Variants in LEPR observed in about 807,000 individuals in gnomAD.
LEPR encodes the protein leptin receptor.
LEPR carries 56 observed loss-of-function variants against 114.7 expected under a neutral mutation model. The ratio of observed to expected loss-of-function variants is 0.49; its 90% CI spans 0.39 to 0.61. The LOEUF is 0.61. LEPR is among the 20% of genes least tolerant of loss of function. The pLI is 0.00. For missense variants in LEPR, 1,202 were observed against 1,352.9 expected, an observed-to-expected ratio of 0.89 and a Z score of 1.75; for synonymous variants, 443 against 461.4, an observed-to-expected ratio of 0.96 and a Z score of 0.51.
intron 19 of LEPR, among the ~76,000 whole-genome samples, chr1:65,631,220 G>A (rs1658505585): frequency 6.6e-6 from 1 of 152,094 alleles, no homozygotes; most frequent in South Asian, 2.1e-4. Context: ...CCTCAGTCTG[G>A]TTGTGAAGGG....
chr1:65,636,236 A>G lies in LEPR; in HGVS notation c.2719A>G (p.Thr907Ala). The G allele has an allele frequency of 6.2e-7, 1 of 1,614,006 alleles. No homozygotes were observed. The highest frequency in any genetic ancestry group is 8.5e-7 in the Non-Finnish European group (1 of 1,179,896). ...TTTTATCAAGCATACAGCATCAGTGACATGTGGTCCTCTTCTTTTGGAGCC... is the reference window on the plus strand; with the variant it reads ...TTTTATCAAGCATACAGCATCAGTGGCATGTGGTCCTCTTCTTTTGGAGCC... ...HLFIKHTASV[T>A]CGPLLLEPET... Residue 907 changes from threonine (T) to alanine (A), a missense_variant, in exon 20 of 20, where the codon ACA becomes GCA. Coordinates refer to ENST00000349533, the MANE Select transcript of LEPR (RefSeq NM_002303.6).
At chr1:65,501,757 G>T (rs1314968859) in intron 2 of LEPR, among the ~76,000 whole-genome samples, 1 of 151,958 alleles carries the variant, frequency 6.6e-6, no homozygotes. Flanking sequence ...CTAAAATTTG[G>T]CAGTGTCAAA....
chr1:65,590,739 T>C (rs1213347912), intron 5 of LEPR, among the ~76,000 whole-genome samples: 2 of 152,154 alleles, frequency 1.3e-5, no homozygotes, highest in Non-Finnish European at 2.9e-5. Flanking sequence ...ACAGTCTGGT[T>C]AAAGCTTCTT....
At chr1:65,571,740 G>A (rs1654175322) in intron 4 of LEPR, among the ~76,000 whole-genome samples, 1 of 136,422 alleles carries the variant, frequency 7.3e-6, no homozygotes, top group African/African-American at 2.8e-5. Flanking sequence ...GATCACTTGA[G>A]CTCAGGAGTT....
chr1:65,427,941 T>TAAG, intron 2 of LEPR: 1 of 166,346 alleles, frequency 6.0e-6, no homozygotes, highest in Non-Finnish European at 1.3e-5. Flanking sequence ...ATCATCTATA[T>TAAG]TGGAAGTCAG....
At chr1:65,473,484 C>A (rs1473782852) in intron 2 of LEPR, among the ~76,000 whole-genome samples, 3 of 152,190 alleles carry the variant, frequency 2.0e-5, no homozygotes, top group Non-Finnish European at 2.9e-5. Flanking sequence ...CAATCACATA[C>A]TTCAATTAAA....
rs1484377436 is a variant in LEPR, at chr1:65,574,903, C to T, written c.494+2454C>T. Reference sequence around the variant, plus strand: ...AATGGGTCTTTAGGCAGAGCTCATTCGGGGGAGCGGAAGGAGAGGTTGCCA... The same window carrying T: ...AATGGGTCTTTAGGCAGAGCTCATTTGGGGGAGCGGAAGGAGAGGTTGCCA... On this transcript the variant is annotated intron_variant, in intron 5 of 19. Coordinates refer to ENST00000349533, the MANE Select transcript of LEPR (RefSeq NM_002303.6). Among the ~76,000 whole-genome samples the T allele has an allele frequency of 5.9e-5, 9 of 152,004 alleles. No homozygotes were observed. In the South Asian group the frequency reaches 1.0e-3, roughly 18 times the overall value.
chr1:65,601,330 T>C, intron 8 of LEPR, 62 bp from the exon 9 acceptor site: 1 of 1,574,728 alleles, frequency 6.4e-7, no homozygotes, highest in Non-Finnish European at 8.7e-7. Context: ...TTTTTCGATG[T>C]GGTACAAATT....
chr1:65,480,523 A>C (rs778976966), intron 2 of LEPR, among the ~76,000 whole-genome samples: 3 of 152,192 alleles, frequency 2.0e-5, no homozygotes, highest in Non-Finnish European at 4.4e-5. Flanking sequence ...CCTTGCAGTA[A>C]ATGATAATTT....
intron 4 of LEPR, 30 bp from the exon 5 acceptor site, chr1:65,572,296 T>A: frequency 5.8e-6 from 8 of 1,388,186 alleles, no homozygotes; most frequent in Non-Finnish European, 7.5e-6. Context: ...AGTTGTTTTT[T>A]TTTTTTTTTT....
At chr1:65,630,730 C>A (rs1270205091) in intron 19 of LEPR, among the ~76,000 whole-genome samples, 1 of 151,112 alleles carries the variant, frequency 6.6e-6, no homozygotes, top group Non-Finnish European at 1.5e-5. Flanking sequence ...TATTCTGAGA[C>A]CTTGCCATAC....
At chr1:65,522,737 G>T (rs1281999287) in intron 2 of LEPR, among the ~76,000 whole-genome samples, 2 of 151,962 alleles carry the variant, frequency 1.3e-5, no homozygotes, top group East Asian at 3.9e-4. Context: ...TTCCCAGCAG[G>T]ATCTGTATCT....
chr1:65,441,053 C>T lies in LEPR; in HGVS notation c.-21+15675C>T, dbSNP rs530619897. On this transcript the variant is annotated intron_variant, in intron 2 of 19. Transcript: ENST00000349533. ...AAGCACTCAGGAAATAGCTTGGTCC[C>T]TAATTAATCATTCCATGTTGTTAAA... Among the ~76,000 whole-genome samples the T allele has an allele frequency of 2.6e-5, 4 of 152,284 alleles. No homozygotes were observed. In the East Asian group the frequency reaches 7.7e-4, roughly 29 times the overall value.
chr1:65,575,415 T>G (rs1654514786), intron 5 of LEPR, among the ~76,000 whole-genome samples: 1 of 151,170 alleles, frequency 6.6e-6, no homozygotes, highest in Admixed American at 6.6e-5. Flanking sequence ...TACAACTTCC[T>G]TATAACTTCA....
intron 2 of LEPR, among the ~76,000 whole-genome samples, chr1:65,495,447 G>C (rs908921273): frequency 6.6e-6 from 1 of 152,122 alleles, no homozygotes; most frequent in Non-Finnish European, 1.5e-5. Flanking sequence ...CACACTGTTG[G>C]CAGGAATTTA....
chr1:65,619,817 T>A, intron 16 of LEPR, 111 bp from the exon 17 acceptor site: 1 of 895,128 alleles, frequency 1.1e-6, no homozygotes, highest in Non-Finnish European at 1.8e-6. Context: ...AATAAGTAAT[T>A]TCTATGTTTG....
chr1:65,538,452 T>A (rs531289952), intron 2 of LEPR, among the ~76,000 whole-genome samples: 1 of 152,232 alleles, frequency 6.6e-6, no homozygotes, highest in Non-Finnish European at 1.5e-5. Context: ...TATGTTTTTG[T>A]CGTTTTTGGT....
At chr1:65,534,522 G>T (rs1650621740) in intron 2 of LEPR, among the ~76,000 whole-genome samples, 1 of 152,124 alleles carries the variant, frequency 6.6e-6, no homozygotes, top group African/African-American at 2.4e-5. Context: ...CCCTGTGCTT[G>T]TAAGACATAA....
chr1:65,429,934 C>T (rs1646453835), intron 2 of LEPR: 1 of 1,559,406 alleles, frequency 6.4e-7, no homozygotes, highest in Admixed American at 1.7e-5. Context: ...CCAAAAGAGT[C>T]ACCTATGACT....
Sources: gnomAD v4.1 joint callset for allele counts (sites outside exome capture counted in the v4.1 genomes callset) on GRCh38, gnomAD v4.1.1 for gene constraint, MANE v1.5 for transcripts, NCBI Gene and HGNC (gene_info 2026-07-23, HGNC 2026-07-21) for gene names.